The following AGTPBP1 variants were observed in gnomAD, a reference collection of about 807,000 sequenced individuals.
The protein encoded by AGTPBP1 is cytosolic carboxypeptidase 1.
In AGTPBP1, 70 loss-of-function variants were observed where a neutral mutation model predicts 143.9. The observed-to-expected ratio is 0.49, with a 90% confidence interval of 0.40 to 0.59. AGTPBP1 has a LOEUF of 0.59. Among genes scored for constraint, AGTPBP1 ranks in the 20% least tolerant of loss-of-function variants. AGTPBP1 has a pLI of 0.00. For synonymous variants in AGTPBP1, 463 were observed against 500.2 expected, an observed-to-expected ratio of 0.93 and a Z score of 0.99; for missense variants, 1,229 against 1,464.5, an observed-to-expected ratio of 0.84 and a Z score of 2.62.
At chr9:85,794,137 T>C in the AGTPBP1 span, among the ~76,000 whole-genome samples, 1 of 152,110 alleles carries the variant, frequency 6.6e-6, no homozygotes, top group African/African-American at 2.4e-5. Context: ...CTCACATATA[T>C]ATAAAGCTGT....
chr9:85,692,930 G>A (rs906757780), intron 2 of AGTPBP1, 117 bp from the exon 3 acceptor site: 73 of 1,149,588 alleles, frequency 6.4e-5, no homozygotes, highest in Non-Finnish European at 8.2e-5. Flanking sequence ...GCATTTACAC[G>A]TCGCACTTCC....
At position 85,616,575 on chromosome 9, in the gene AGTPBP1, A is replaced by G. The variant is rs1830612661; in HGVS notation, c.2335+2408T>C. On this transcript the variant is annotated intron_variant, in intron 17 of 25. Coordinates refer to ENST00000357081, the MANE Select transcript of AGTPBP1 (RefSeq NM_001330701.2). ...TTCTGAAAATTATATTGACTATTAT[A>G]TCAGGAATAAATATGCCTTTATATT... is the stretch of plus-strand genomic sequence containing the variant. Among the ~76,000 whole-genome samples, 3 of 152,008 alleles carry G rather than the reference A, an allele frequency of 2.0e-5. No individual in the cohort carries two copies. The South Asian group carries it at 6.2e-4, about 31-fold the overall frequency.
intron 3 of AGTPBP1, among the ~76,000 whole-genome samples, chr9:85,681,745 C>CTTT (rs1204253430): frequency 0.027 from 2,909 of 105,852 alleles, 207 homozygotes; most frequent in African/African-American, 0.067. Flanking sequence ...GCATTAATAT[C>CTTT]TTTTTTTTTT....
At chr9:85,622,702 T>C (rs1262463811) in intron 14 of AGTPBP1, among the ~76,000 whole-genome samples, 2 of 152,216 alleles carry the variant, frequency 1.3e-5, no homozygotes, top group African/African-American at 2.4e-5. Flanking sequence ...GTAAGTTTAA[T>C]GTCATAACTT....
upstream of AGTPBP1, chr9:85,742,057 C>G (rs989892811): frequency 3.4e-6 from 4 of 1,170,546 alleles, no homozygotes; most frequent in East Asian, 1.2e-4. Context: ...TGCGAGGCCG[C>G]GAAAGGGGCG....
intron 1 of AGTPBP1, among the ~76,000 whole-genome samples, chr9:85,719,336 T>C (rs1016076787): frequency 1.3e-5 from 2 of 152,232 alleles, no homozygotes; most frequent in African/African-American, 2.4e-5. Context: ...TCCTCTTTTA[T>C]GTTGTTGAGC....
intron 17 of AGTPBP1, among the ~76,000 whole-genome samples, chr9:85,597,829 C>A (rs557996014): frequency 6.6e-6 from 1 of 152,226 alleles, no homozygotes; most frequent in South Asian, 2.1e-4. Context: ...ACTATCTTTG[C>A]ATTCTAAGAA....
chr9:85,698,026 A>G (rs1836383125), intron 2 of AGTPBP1, among the ~76,000 whole-genome samples: 1 of 152,104 alleles, frequency 6.6e-6, no homozygotes, highest in Non-Finnish European at 1.5e-5. Flanking sequence ...ATTCACAGAA[A>G]CCAACATTCT....
chr9:85,639,730 G>A (rs1453503335), intron 13 of AGTPBP1, among the ~76,000 whole-genome samples: 1 of 152,066 alleles, frequency 6.6e-6, no homozygotes. Context: ...TGCTACCACA[G>A]ACATATGAAT....
chr9:85,555,382 G>A (rs1306130845), intron 25 of AGTPBP1, among the ~76,000 whole-genome samples: 1 of 152,120 alleles, frequency 6.6e-6, no homozygotes, highest in Admixed American at 6.5e-5. Context: ...GGTAGATCAC[G>A]AGGTCAGGAA....
the AGTPBP1 span, chr9:85,770,516 T>G: frequency 7.5e-7 from 1 of 1,325,730 alleles, no homozygotes; most frequent in African/African-American, 1.5e-5. Context: ...TCAGAATATT[T>G]TTCTTATAAA....
intron 21 of AGTPBP1, 112 bp from the exon 22 acceptor site, chr9:85,587,072 T>G: frequency 7.5e-7 from 1 of 1,336,574 alleles, no homozygotes; most frequent in East Asian, 2.4e-5. Context: ...TCTATTCCAC[T>G]AAGCATTTCA....
intron 2 of AGTPBP1, among the ~76,000 whole-genome samples, chr9:85,701,625 A>T (rs963721121): frequency 6.6e-6 from 1 of 152,232 alleles, no homozygotes; most frequent in African/African-American, 2.4e-5. Context: ...GAACACCATG[A>T]ACAGAAGACA....
At chr9:85,715,256 A>C (rs1837633195) in intron 1 of AGTPBP1, among the ~76,000 whole-genome samples, 1 of 151,716 alleles carries the variant, frequency 6.6e-6, no homozygotes, top group South Asian at 2.1e-4. Flanking sequence ...AAAAAAAAAA[A>C]GAAAAAAAGA....
intron 1 of AGTPBP1, among the ~76,000 whole-genome samples, chr9:85,716,671 G>T (rs529478642): frequency 6.6e-6 from 1 of 152,136 alleles, no homozygotes; most frequent in Non-Finnish European, 1.5e-5. Flanking sequence ...AGTAAACAAT[G>T]TCACTAGTCT....
intron 1 of AGTPBP1, among the ~76,000 whole-genome samples, chr9:85,728,477 A>G (rs1010422047): frequency 6.6e-6 from 1 of 152,216 alleles, no homozygotes; most frequent in African/African-American, 2.4e-5. Flanking sequence ...CCTGCCAATC[A>G]TAGGAAAGTA....
chr9:85,781,054 T>A, the AGTPBP1 span: 2 of 1,077,282 alleles, frequency 1.9e-6, no homozygotes, highest in South Asian at 4.5e-5. Context: ...GTGGCGGAGC[T>A]TACAGTGAGC....
In AGTPBP1 at chr9:85,621,258, C is replaced by A; in HGVS notation, c.2043G>T (p.Arg681Ser). Residue 681 changes from arginine (R) to serine (S), a missense_variant, in exon 15 of 26, where the codon AGG becomes AGT. Coordinates refer to ENST00000357081, the MANE Select transcript of AGTPBP1 (RefSeq NM_001330701.2). Reference sequence around the variant, plus strand: ...CTATGATATCACTCTGATGTATTAGCCTTTCAATATCTTGAGCAATTTTTG... The same window carrying A: ...CTATGATATCACTCTGATGTATTAGACTTTCAATATCTTGAGCAATTTTTG... ...QRTKIAQDIERLIHQSDIIDR... is the reference protein window; with the variant it reads ...QRTKIAQDIESLIHQSDIIDR... 1 of 1,449,628 alleles carries A rather than the reference C, an allele frequency of 6.9e-7. No homozygotes were observed. Among genetic ancestry groups the A allele is most frequent in the Non-Finnish European group, 9.1e-7 (1 of 1,104,240 alleles). 89.8% of individuals were successfully genotyped at this position (1,449,628 alleles called of 1,614,324 possible).
intron 7 of AGTPBP1, among the ~76,000 whole-genome samples, chr9:85,670,312 A>G (rs997268561): frequency 6.6e-6 from 1 of 152,200 alleles, no homozygotes; most frequent in Non-Finnish European, 1.5e-5. Flanking sequence ...TCTTTTGACT[A>G]TGGGGAATCA....
Sources: allele counts gnomAD v4.1 joint callset (sites outside exome capture counted in the v4.1 genomes callset), GRCh38; gene constraint gnomAD v4.1.1; transcripts MANE v1.5; gene names NCBI Gene and HGNC (gene_info 2026-07-23, HGNC 2026-07-21).